Variants in VAC14 observed in about 807,000 individuals in gnomAD.
VAC14 encodes the protein VAC14 component of PIKFYVE complex.
In VAC14, 47 loss-of-function variants were observed where a neutral mutation model predicts 85.3. The ratio of observed to expected loss-of-function variants is 0.55; its 90% CI spans 0.44 to 0.70. The LOEUF (loss-of-function observed/expected upper bound fraction) is 0.70. Among genes scored for constraint, VAC14 ranks in the 30% least tolerant of loss-of-function variants. The pLI is 0.00. For missense variants in VAC14, 861 were observed against 1,004.3 expected (o/e 0.86, Z 1.93); for synonymous variants, 447 against 430.5 (o/e 1.04, Z -0.47).
intron 14 of VAC14, among the ~76,000 whole-genome samples, chr16:70,726,557 C>A (rs1004523210): frequency 2.0e-5 from 3 of 152,204 alleles, no homozygotes; most frequent in African/African-American, 7.2e-5. Context: ...ATCATCGCTG[C>A]GTCACAGACA....
intron 14 of VAC14, among the ~76,000 whole-genome samples, chr16:70,729,126 G>C (rs774791969): frequency 2.6e-5 from 4 of 152,190 alleles, no homozygotes; most frequent in Admixed American, 1.3e-4. Flanking sequence ...ATTTCAGACG[G>C]TCCCAACTGG....
chr16:70,688,714 C>T, intron 18 of VAC14: 2 of 985,588 alleles, frequency 2.0e-6, no homozygotes, highest in South Asian at 4.7e-5. Flanking sequence ...TGTACAGCAA[C>T]ACAGGTTGTG....
intron 10 of VAC14, among the ~76,000 whole-genome samples, chr16:70,765,922 A>G (rs1032917625): frequency 6.6e-6 from 1 of 152,088 alleles, no homozygotes; most frequent in Non-Finnish European, 1.5e-5. Flanking sequence ...ATTTGAGGCC[A>G]TGAGTTTGAG....
At chr16:70,727,767 G>A (rs561475801) in intron 14 of VAC14, among the ~76,000 whole-genome samples, 16 of 152,374 alleles carry the variant, frequency 1.1e-4, no homozygotes, top group Middle Eastern at 3.4e-3. Context: ...CAGGAGCATG[G>A]GGAGGATGGA....
chr16:70,754,546 A>G (rs1311535367), intron 12 of VAC14, among the ~76,000 whole-genome samples: 5 of 152,050 alleles, frequency 3.3e-5, no homozygotes, highest in Admixed American at 6.5e-5. Context: ...CCCCCAAAAG[A>G]AGCTGCAGGG....
At chr16:70,765,898 G>A (rs545909182) in intron 10 of VAC14, among the ~76,000 whole-genome samples, 3 of 152,260 alleles carry the variant, frequency 2.0e-5, no homozygotes, top group South Asian at 2.1e-4. Flanking sequence ...TTGGGAGGCC[G>A]AGGCAGGCGG....
At chr16:70,745,328 C>CA (rs1369776165) in intron 12 of VAC14, among the ~76,000 whole-genome samples, 2 of 152,188 alleles carry the variant, frequency 1.3e-5, no homozygotes, top group Non-Finnish European at 2.9e-5. Flanking sequence ...GGCTGCTCTA[C>CA]AGCCCCCGTA....
At chr16:70,733,590 A>G (rs1281548649) in intron 13 of VAC14, among the ~76,000 whole-genome samples, 3 of 152,114 alleles carry the variant, frequency 2.0e-5, no homozygotes, top group Non-Finnish European at 4.4e-5. Flanking sequence ...ACTTTGAGAC[A>G]GCAAGTTCTG....
chr16:70,752,691 C>G (rs1244721440), intron 12 of VAC14, among the ~76,000 whole-genome samples: 1 of 152,250 alleles, frequency 6.6e-6, no homozygotes, highest in East Asian at 1.9e-4. Context: ...TACGCACAGT[C>G]CCCGAGCGAA....
intron 7 of VAC14, 32 bp from the exon 8 acceptor site, chr16:70,782,035 C>A (rs1209596397): frequency 1.2e-6 from 2 of 1,606,474 alleles, no homozygotes; most frequent in South Asian, 2.2e-5. Context: ...TCAGAGGGGC[C>A]AGCACACGCA....
intron 1 of VAC14, among the ~76,000 whole-genome samples, chr16:70,798,126 T>C (rs895332275): frequency 2.0e-5 from 3 of 152,214 alleles, no homozygotes; most frequent in Non-Finnish European, 2.9e-5. Context: ...AGAGGTTAAT[T>C]AGCTTGCTCA....
intron 4 of VAC14, 138 bp downstream of exon 4, chr16:70,784,638 G>C: frequency 1.2e-6 from 1 of 846,020 alleles, no homozygotes; most frequent in Non-Finnish European, 1.9e-6. Context: ...TCATAGAACT[G>C]CACACCAGGG....
At chr16:70,744,734 G>A (rs1230129218) in intron 12 of VAC14, 155 bp from the exon 13 acceptor site, 15 of 808,570 alleles carry the variant, frequency 1.9e-5, no homozygotes, top group Non-Finnish European at 5.5e-6. Flanking sequence ...CCACAGCTGG[G>A]GCATGCTCAG....
intron 12 of VAC14, among the ~76,000 whole-genome samples, chr16:70,751,877 G>A (rs890608222): frequency 6.6e-6 from 1 of 152,240 alleles, no homozygotes; most frequent in African/African-American, 2.4e-5. Flanking sequence ...TGGGAAAGGG[G>A]TGGCATCCTG....
chr16:70,719,216 C>T (rs1225568779), intron 14 of VAC14, among the ~76,000 whole-genome samples: 5 of 152,158 alleles, frequency 3.3e-5, no homozygotes, highest in African/African-American at 4.8e-5. Context: ...AAACACCTCT[C>T]GATTCCAGGT....
chr16:70,739,854 A>C, intron 13 of VAC14, among the ~76,000 whole-genome samples: 1 of 152,262 alleles, frequency 6.6e-6, no homozygotes, highest in Non-Finnish European at 1.5e-5. Flanking sequence ...CTGGGCTACA[A>C]GGAATGAAAC....
chr16:70,749,896 G>GT (rs932936737), intron 12 of VAC14, among the ~76,000 whole-genome samples: 1 of 152,214 alleles, frequency 6.6e-6, no homozygotes, highest in African/African-American at 2.4e-5. Flanking sequence ...AGAGGCCCTG[G>GT]TGAGAGGAAG....
chr16:70,774,719 C>A (rs1414259861), intron 9 of VAC14, among the ~76,000 whole-genome samples: 2 of 150,228 alleles, frequency 1.3e-5, no homozygotes, highest in Non-Finnish European at 3.0e-5. Context: ...CTCCCCCTCT[C>A]CCCTCTCCCC....
At chr16:70,755,821 T>C (rs538391177) in intron 12 of VAC14, among the ~76,000 whole-genome samples, 9 of 152,096 alleles carry the variant, frequency 5.9e-5, no homozygotes, top group Admixed American at 2.6e-4. Flanking sequence ...CATTTTGGGG[T>C]AGACACTGAG....
Sources: gnomAD v4.1 joint callset for allele counts (sites outside exome capture counted in the v4.1 genomes callset) on GRCh38, gnomAD v4.1.1 for gene constraint, MANE v1.5 for transcripts, NCBI Gene and HGNC (gene_info 2026-07-23, HGNC 2026-07-21) for gene names.